Variants in TRIM64B observed in about 807,000 individuals in gnomAD.
TRIM64B encodes tripartite motif containing 64B, also known as tripartite motif-containing protein 64B.
For missense variants in TRIM64B, 57 were observed against 536.4 expected (o/e 0.11, Z 8.83); for synonymous variants, 17 against 190.3 (o/e 0.09, Z 7.50).
upstream of TRIM64B, among the ~76,000 whole-genome samples, chr11:89,876,637 G>A (rs1261605492): frequency 2.0e-5 from 3 of 148,910 alleles, no homozygotes; most frequent in Non-Finnish European, 4.5e-5. Flanking sequence ...CAGGAGAATC[G>A]CTTGAACCCA....
chr11:89,877,534 A>G, upstream of TRIM64B, among the ~76,000 whole-genome samples: 1 of 148,072 alleles, frequency 6.8e-6, no homozygotes, highest in Non-Finnish European at 1.5e-5. Flanking sequence ...AGTGACTTGG[A>G]AGTTGCAGCT....
chr11:89,875,378 C>T lies in TRIM64B; in HGVS notation c.408+232G>A, dbSNP rs866655122. Among the ~76,000 whole-genome samples the T allele has an allele frequency of 5.3e-4, 80 of 152,312 alleles. No individual in the cohort carries two copies. In the South Asian group the frequency reaches 0.011, roughly 21 times the overall value. On this transcript the variant is annotated intron_variant, in intron 1 of 5. Coordinates refer to ENST00000329862, the Ensembl canonical transcript of TRIM64B. ...CCACCAGCTCCACAGCTCCATTCTA[C>T]ACGTTTGAACAATGTTTCTAAGGAG...
chr11:89,877,620 T>C (rs1234687093), upstream of TRIM64B, among the ~76,000 whole-genome samples: 1 of 148,832 alleles, frequency 6.7e-6, no homozygotes, highest in Non-Finnish European at 1.5e-5. Context: ...TTTTTTTTTT[T>C]TTTTTGTTGC....
chr11:89,873,020 G>C (rs1322857795), intron 4 of TRIM64B, among the ~76,000 whole-genome samples: 1 of 151,622 alleles, frequency 6.6e-6, no homozygotes. Flanking sequence ...GTGGGGTATG[G>C]TTGGTCAGGA....
exon 6 of TRIM64B, chr11:89,870,487 A>C (rs1327023126): frequency 1.1e-6 from 1 of 879,410 alleles, no homozygotes; most frequent in Non-Finnish European, 1.7e-6. Context: ...CAAGGTGGTT[A>C]TCCCATTCAT....
At chr11:89,876,635 T>C (rs1209281975), upstream of TRIM64B, among the ~76,000 whole-genome samples, 5 of 148,514 alleles carry the variant, frequency 3.4e-5, no homozygotes, top group African/African-American at 1.2e-4. Flanking sequence ...GGCAGGAGAA[T>C]CGCTTGAACC....
At position 89,871,336 on chromosome 11, in the gene TRIM64B, A is replaced by G. The variant is rs1275432730; in HGVS notation, c.857-222T>C. The stretch of plus-strand genomic sequence containing the variant: ...AATAGAGAAAAAACGTGACCATACC[A>G]CAGGGGAAATAATGATTTAATGTCT... On this transcript the variant is annotated intron_variant, in intron 5 of 5. Transcript: ENST00000329862. Among the ~76,000 whole-genome samples the G allele has an allele frequency of 1.6e-4, 24 of 152,298 alleles. No homozygotes were observed. In the East Asian group the frequency reaches 4.1e-3, roughly 26 times the overall value.
At chr11:89,877,697 G>A (rs538321725), upstream of TRIM64B, among the ~76,000 whole-genome samples, 735 of 148,254 alleles carry the variant, frequency 5.0e-3, 2 homozygotes, top group Non-Finnish European at 8.2e-3. Flanking sequence ...TCAGCTTACT[G>A]CAAGCTCCAC....
chr11:89,875,588 C>G (rs1950155058), intron 1 of TRIM64B, 22 bp downstream of exon 2: 1 of 1,440,942 alleles, frequency 6.9e-7, no homozygotes, highest in Admixed American at 2.4e-5. Context: ...ATAATTCAAA[C>G]TGCCTTAGAG....
upstream of TRIM64B, among the ~76,000 whole-genome samples, chr11:89,876,588 G>T (rs2134713355): frequency 6.7e-6 from 1 of 149,600 alleles, no homozygotes; most frequent in East Asian, 2.0e-4. Context: ...AGGGCGTGGT[G>T]GTACGTGCCT....
chr11:89,876,200 A>C (rs1368560261), upstream of TRIM64B, among the ~76,000 whole-genome samples: 1 of 131,862 alleles, frequency 7.6e-6, no homozygotes, highest in African/African-American at 2.7e-5. Context: ...TGCTGGATTT[A>C]TAAAGTTTTC....
chr11:89,872,513 C>G (rs1356094329), intron 4 of TRIM64B, among the ~76,000 whole-genome samples: 1 of 151,754 alleles, frequency 6.6e-6, no homozygotes, highest in Non-Finnish European at 1.5e-5. Flanking sequence ...CCCAATTTCC[C>G]CAGATACGTT....
At chr11:89,872,447 C>T (rs1950120360) in intron 4 of TRIM64B, 135 bp from the exon 6 acceptor site, 3 of 1,469,282 alleles carry the variant, frequency 2.0e-6, no homozygotes, top group South Asian at 1.2e-5. Context: ...ACATTTTATT[C>T]CACACTCTAG....
chr11:89,875,847 T>C (rs1282684886), exon 1 of TRIM64B: 2 of 1,550,352 alleles, frequency 1.3e-6, no homozygotes, highest in African/African-American at 1.4e-5. Context: ...TCTCTGAGGT[T>C]TTTCTGCACG....
At chr11:89,871,247 A>T (rs1200095941) in intron 5 of TRIM64B, 133 bp from the exon 7 acceptor site, 1 of 1,463,294 alleles carries the variant, frequency 6.8e-7, no homozygotes, top group Non-Finnish European at 9.1e-7. Context: ...AGCCCCATGC[A>T]TCCATGAAGA....
At chr11:89,874,349 C>G in intron 2 of TRIM64B, 70 bp from the exon 4 acceptor site, 1 of 917,680 alleles carries the variant, frequency 1.1e-6, no homozygotes, top group Middle Eastern at 3.4e-4. Context: ...TAATTATATG[C>G]TGGGTGTAAT....
At chr11:89,872,561 G>A (rs1315270286) in intron 4 of TRIM64B, among the ~76,000 whole-genome samples, 15 of 151,788 alleles carry the variant, frequency 9.9e-5, no homozygotes, top group African/African-American at 2.4e-4. Flanking sequence ...GTCATTAAAA[G>A]TCATTGCCTC....
intron 3 of TRIM64B, 32 bp downstream of exon 4, chr11:89,874,017 C>G (rs1403933459): frequency 6.5e-7 from 1 of 1,548,382 alleles, no homozygotes; most frequent in African/African-American, 1.4e-5. Flanking sequence ...GCAAAGGCTT[C>G]CTGTCTCTGA....
intron 4 of TRIM64B, among the ~76,000 whole-genome samples, chr11:89,872,842 C>A (rs1311816427): frequency 6.6e-6 from 1 of 151,692 alleles, no homozygotes; most frequent in African/African-American, 2.4e-5. Context: ...GGTGATGGAG[C>A]AGGCCCGGGT....
Sources: gnomAD v4.1 joint callset for allele counts (sites outside exome capture counted in the v4.1 genomes callset) on GRCh38, gnomAD v4.1.1 for gene constraint, MANE v1.5 for transcripts, NCBI Gene and HGNC (gene_info 2026-07-23, HGNC 2026-07-21) for gene names.